Variants in KCNQ1OT1 observed in about 807,000 individuals in gnomAD.
The protein encoded by KCNQ1OT1 is KCNQ1 opposite strand/antisense transcript 1, also known as KCNQ1 antisense RNA 2 (non-protein coding).
chr11:2,660,472 A>T, exon 1 of KCNQ1OT1: 1 of 398,660 alleles, frequency 2.5e-6, no homozygotes. Flanking sequence ...GTGAAAAAAC[A>T]GACTGGGGAA....
At chr11:2,699,155 C>T (rs768660477) in exon 1 of KCNQ1OT1, 2 of 398,608 alleles carry the variant, frequency 5.0e-6, no homozygotes, top group African/African-American at 4.1e-5. Flanking sequence ...TCAGCCCACT[C>T]TGAACCACCA....
Position 2,642,816 on chromosome 11 carries a change from C to G in KCNQ1OT1, n.57179G>C, listed in dbSNP as rs944571950. 11 of 397,632 alleles carry G rather than the reference C, an allele frequency of 2.8e-5. No individual in the cohort carries two copies. The highest frequency in any genetic ancestry group is 1.3e-3 in the Middle Eastern group (2 of 1,600). 24.6% of individuals were successfully genotyped at this position (397,632 alleles called of 1,614,324 possible). ...GGCATTTATTACAATAAACTTTCCT[C>G]TTAGCATTGCTTTTGCAGTATCCCT... On this transcript the variant is annotated non_coding_transcript_exon_variant, in exon 1 of 1. Coordinates refer to ENST00000597346, the Ensembl canonical transcript of KCNQ1OT1. The surrounding 1 kb of genome is among the most constrained non-coding windows in gnomAD (Gnocchi z 4.3).
At position 2,679,709 on chromosome 11, in the gene KCNQ1OT1, C is replaced by A. The variant is rs1850356068; in HGVS notation, n.20286G>T. On this transcript the variant is annotated non_coding_transcript_exon_variant, in exon 1 of 1. Coordinates refer to ENST00000597346, the Ensembl canonical transcript of KCNQ1OT1. The surrounding 1 kb of genome is among the most constrained non-coding windows in gnomAD (Gnocchi z 4.8). ...TTAGATTTTTTTTAAATCAGCCGTT[C>A]TCTGTATTCTTGTCCAGATGCTGTG... is the stretch of plus-strand genomic sequence containing the variant. 1 of 398,344 alleles carries A rather than the reference C, an allele frequency of 2.5e-6. No homozygotes were observed. The highest frequency in any genetic ancestry group is 1.3e-4 in the South Asian group (1 of 7,854). The allele number at this position is 398,344 out of a possible 1,614,324, so 24.7% of individuals were successfully genotyped here.
Position 2,661,078 on chromosome 11 carries a change from C to T in KCNQ1OT1, n.38917G>A, listed in dbSNP as rs1849948107. The T allele has an allele frequency of 2.5e-6, 1 of 398,174 alleles. No homozygotes were observed. The highest frequency in any genetic ancestry group is 1.3e-4 in the South Asian group (1 of 7,842). 24.7% of individuals were successfully genotyped at this position (398,174 alleles called of 1,614,324 possible). The stretch of plus-strand genomic sequence containing the variant: ...GACAGGAACAGAGTCACAGTGACAT[C>T]CCATGTGCATAAAAGCAACTCCCAC... On this transcript the variant is annotated non_coding_transcript_exon_variant, in exon 1 of 1. Transcript: ENST00000597346. This position sits in a 1 kb window ranked among gnomAD's most constrained non-coding sequence, Gnocchi z 5.9.
chr11:2,647,989 C>T lies in KCNQ1OT1; in HGVS notation n.52006G>A, dbSNP rs1023961694. 3.5e-5 allele frequency: 14 copies of T among 396,984 alleles called. No homozygotes were observed. Among genetic ancestry groups the T allele is most frequent in the African/African-American group, 1.2e-4 (6 of 48,294 alleles). 24.6% of individuals were successfully genotyped at this position (396,984 alleles called of 1,614,324 possible). A position where few individuals can be genotyped will look rare whatever the true frequency, so the allele number is the denominator to read the frequency against. ...AGTACTTTGGAAGGCCAAGGCAGGC[C>T]GATCGCTTGAGTCCAGGAGTTTGAG... On this transcript the variant is annotated non_coding_transcript_exon_variant, in exon 1 of 1. Coordinates refer to ENST00000597346, the Ensembl canonical transcript of KCNQ1OT1. This position sits in a 1 kb window ranked among gnomAD's most constrained non-coding sequence, Gnocchi z 4.0.
chr11:2,646,184 C>G (rs1849662719), exon 1 of KCNQ1OT1: 1 of 398,614 alleles, frequency 2.5e-6, no homozygotes, highest in Middle Eastern at 6.3e-4. Flanking sequence ...CTGTGGTTAC[C>G]TACTTGCTAT....
exon 1 of KCNQ1OT1, chr11:2,628,192 ATT>A: frequency 2.5e-6 from 1 of 398,576 alleles, no homozygotes; most frequent in South Asian, 1.3e-4. Flanking sequence ...TCCAATTTTA[ATT>A]TTTTAAAGAA....
chr11:2,666,709 C>G, exon 1 of KCNQ1OT1: 5 of 398,732 alleles, frequency 1.3e-5, no homozygotes. Context: ...CATCCAGGTC[C>G]ACTGTGACCT....
At chr11:2,688,949 G>A (rs1487874704) in exon 1 of KCNQ1OT1, 13 of 398,740 alleles carry the variant, frequency 3.3e-5, no homozygotes, top group Non-Finnish European at 4.9e-5. Context: ...CACCCACTGG[G>A]CCTAGGGCTC....
exon 1 of KCNQ1OT1, chr11:2,625,520 C>T (rs1458358175): frequency 1.3e-5 from 5 of 397,342 alleles, no homozygotes; most frequent in South Asian, 1.3e-4. Flanking sequence ...CAACTTTTCA[C>T]GTACTATTAT....
At chr11:2,655,518 A>T (rs1403882477) in exon 1 of KCNQ1OT1, 2 of 398,550 alleles carry the variant, frequency 5.0e-6, no homozygotes, top group East Asian at 7.1e-5. Flanking sequence ...TTTCAAGTAC[A>T]CCATGGGCTC....
exon 1 of KCNQ1OT1, chr11:2,650,683 A>T (rs112697133): frequency 2.5e-6 from 1 of 398,622 alleles, no homozygotes; most frequent in Non-Finnish European, 4.4e-6. Context: ...CTCTTCTCTG[A>T]TTCTGTATGC....
In KCNQ1OT1 at chr11:2,676,055, C is replaced by T; in HGVS notation, n.23940G>A. On this transcript the variant is annotated non_coding_transcript_exon_variant, in exon 1 of 1. Transcript: ENST00000597346. This position sits in a 1 kb window ranked among gnomAD's most constrained non-coding sequence, Gnocchi z 4.2. ...TCAACACTTTCCTATTGCATCTTTC[C>T]AGACGTATTTTATATAAACAAATAT... 2 of 398,620 alleles carry T rather than the reference C, an allele frequency of 5.0e-6. No homozygotes were observed. The highest frequency in any genetic ancestry group is 4.4e-6 in the Non-Finnish European group (1 of 226,054). The allele number at this position is 398,620 out of a possible 1,614,324, so 24.7% of individuals were successfully genotyped here.
Position 2,663,413 on chromosome 11 carries a change from A to G in KCNQ1OT1, n.36582T>C. 2.5e-6 allele frequency: 1 copy of G among 398,838 alleles called. No homozygotes were observed. The allele number at this position is 398,838 out of a possible 1,614,324, so 24.7% of individuals were successfully genotyped here. On this transcript the variant is annotated non_coding_transcript_exon_variant, in exon 1 of 1. Transcript: ENST00000597346. This position sits in a 1 kb window ranked among gnomAD's most constrained non-coding sequence, Gnocchi z 5.2. ...AGAATGATGGCTTACACTGTGGCCA[A>G]GGCCTGTACCAAGTCCTGGATATGA...
chr11:2,673,343 C>T lies in KCNQ1OT1; in HGVS notation n.26652G>A, dbSNP rs1461558289. ...CCAGGCCAGCTTTTGGAAACAGTCT[C>T]ATTAGCAAACAAAGGGAAGTGACAG... is the stretch of plus-strand genomic sequence containing the variant. On this transcript the variant is annotated non_coding_transcript_exon_variant, in exon 1 of 1. Transcript: ENST00000597346. This position sits in a 1 kb window ranked among gnomAD's most constrained non-coding sequence, Gnocchi z 4.5. 2.5e-6 allele frequency: 1 copy of T among 398,610 alleles called. No individual in the cohort carries two copies. The highest frequency in any genetic ancestry group is 6.2e-4 in the Middle Eastern group (1 of 1,610). The allele number at this position is 398,610 out of a possible 1,614,324, so 24.7% of individuals were successfully genotyped here. A position where few individuals can be genotyped will look rare whatever the true frequency, so the allele number is the denominator to read the frequency against.
At chr11:2,666,196 ACT>A in exon 1 of KCNQ1OT1, 1 of 398,094 alleles carries the variant, frequency 2.5e-6, no homozygotes, top group Admixed American at 4.4e-5. Context: ...CCTCAGTCCC[ACT>A]CTCCAGAGGG....
At position 2,691,823 on chromosome 11, in the gene KCNQ1OT1, G is replaced by C. The variant is rs1850593294; in HGVS notation, n.8172C>G. ...GAATCACAAGCACTGGATCCAATGT[G>C]ACCTCTGCCAGGACCATGACCCCTA... On this transcript the variant is annotated non_coding_transcript_exon_variant, in exon 1 of 1. Transcript: ENST00000597346. The surrounding 1 kb of genome is among the most constrained non-coding windows in gnomAD (Gnocchi z 6.4). The C allele has an allele frequency of 5.0e-6, 2 of 398,516 alleles. No homozygotes were observed. Among genetic ancestry groups the C allele is most frequent in the Non-Finnish European group, 8.8e-6 (2 of 226,132 alleles). The allele number at this position is 398,516 out of a possible 1,614,324, so 24.7% of individuals were successfully genotyped here. A position where few individuals can be genotyped will look rare whatever the true frequency, so the allele number is the denominator to read the frequency against.
chr11:2,692,096 T>C, exon 1 of KCNQ1OT1: 1 of 398,502 alleles, frequency 2.5e-6, no homozygotes, highest in Admixed American at 4.4e-5. Flanking sequence ...CCCCACCTCC[T>C]CTCCACAGCC....
exon 1 of KCNQ1OT1, chr11:2,688,896 G>C (rs1229320898): frequency 2.5e-6 from 1 of 398,962 alleles, no homozygotes; most frequent in Non-Finnish European, 4.4e-6. Context: ...GGAAGCTGAG[G>C]TGGGGCTAGG....
Sources: gnomAD v4.1 joint callset for allele counts on GRCh38, gnomAD v4.1.1 for gene constraint, Gnocchi (gnomAD v3.1) non-coding constraint, MANE v1.5 for transcripts, NCBI Gene and HGNC (gene_info 2026-07-23, HGNC 2026-07-21) for gene names.